APBB2: variants seen among roughly 807,000 people sequenced by gnomAD.
APBB2 encodes Fe65-like 1.
APBB2 carries 38 observed loss-of-function variants against 82.5 expected under a neutral mutation model. That is an observed-to-expected ratio of 0.46 (90% confidence interval 0.36 to 0.60). The LOEUF (loss-of-function observed/expected upper bound fraction) is 0.60, where lower values mean the gene tolerates loss of function less well. Ranked by LOEUF, APBB2 falls within the 20% of genes least tolerant of loss-of-function variation. The probability of loss-of-function intolerance (pLI) is 0.00; values close to 1 mark genes in which losing one functional copy is unlikely to be tolerated. For synonymous variants in APBB2, 341 were observed against 368.2 expected (o/e 0.93, Z 0.85); for missense variants, 772 against 972.3 (o/e 0.79, Z 2.74).
chr4:41,093,054 C>T (rs546852270), intron 3 of APBB2, among the ~76,000 whole-genome samples: 6 of 152,138 alleles, frequency 3.9e-5, no homozygotes, highest in Non-Finnish European at 8.8e-5. Context: ...TCAGCAGAAA[C>T]GAGCTATAAA....
chr4:40,843,393 C>T (rs1268256884), intron 12 of APBB2, among the ~76,000 whole-genome samples: 1 of 152,116 alleles, frequency 6.6e-6, no homozygotes, highest in Non-Finnish European at 1.5e-5. Flanking sequence ...TGAGGCGGAA[C>T]AATGACCATG....
intron 10 of APBB2, among the ~76,000 whole-genome samples, chr4:40,906,693 T>C (rs1284989699): frequency 1.3e-5 from 2 of 152,050 alleles, no homozygotes; most frequent in Non-Finnish European, 2.9e-5. Flanking sequence ...CTGCATCTTT[T>C]TTAAGTGTCC....
intron 6 of APBB2, among the ~76,000 whole-genome samples, chr4:40,955,334 A>T (rs1388078942): frequency 6.6e-6 from 1 of 152,258 alleles, no homozygotes; most frequent in African/African-American, 2.4e-5. Context: ...TGTCATTACA[A>T]CAGAAAGGTC....
rs928502095 is a variant in APBB2, at chr4:41,033,322, T to G, written c.-50-18A>C. 4 of 1,476,824 alleles carry G rather than the reference T, an allele frequency of 2.7e-6. No individual in the cohort carries two copies. Among genetic ancestry groups the G allele is most frequent in the South Asian group, 1.3e-5 (1 of 78,804 alleles). The allele number at this position is 1,476,824 out of a possible 1,614,324, so 91.5% of individuals were successfully genotyped here. ...TTTGAAATCTAAAAAGAAGGGATCA[T>G]TTGAGAAATTAAAACTCCAAATAAC... On this transcript the variant is annotated intron_variant, in intron 4 of 17. Coordinates refer to ENST00000508593, the MANE Select transcript of APBB2 (RefSeq NM_004307.2).
chr4:40,905,005 A>G (rs989277297), intron 10 of APBB2, among the ~76,000 whole-genome samples: 2 of 152,106 alleles, frequency 1.3e-5, no homozygotes, highest in African/African-American at 4.8e-5. Flanking sequence ...CACTACTGCC[A>G]TTAACTTAAC....
chr4:41,047,805 G>A (rs2154456017), intron 4 of APBB2, among the ~76,000 whole-genome samples: 1 of 152,280 alleles, frequency 6.6e-6, no homozygotes, highest in African/African-American at 2.4e-5. Flanking sequence ...ATCTATCTCT[G>A]ATCTGATGGT....
chr4:40,946,829 G>C (rs1395111086), intron 6 of APBB2, among the ~76,000 whole-genome samples: 4 of 152,226 alleles, frequency 2.6e-5, no homozygotes, highest in African/African-American at 9.6e-5. Flanking sequence ...CTGGCTCTGT[G>C]CAAGTGTCGC....
intron 4 of APBB2, among the ~76,000 whole-genome samples, chr4:41,064,606 T>C (rs533499086): frequency 3.4e-4 from 52 of 152,182 alleles, no homozygotes; most frequent in African/African-American, 1.2e-3. Flanking sequence ...GAAATAAACA[T>C]AGATCATTAA....
intron 6 of APBB2, among the ~76,000 whole-genome samples, chr4:40,950,661 C>G (rs774992049): frequency 6.6e-6 from 1 of 152,052 alleles, no homozygotes; most frequent in Non-Finnish European, 1.5e-5. Context: ...GCCTGGCCAA[C>G]ATGGTGAAAC....
At chr4:41,158,995 A>G (rs886572212) in intron 1 of APBB2, among the ~76,000 whole-genome samples, 6 of 152,152 alleles carry the variant, frequency 3.9e-5, no homozygotes, top group Non-Finnish European at 7.4e-5. Flanking sequence ...AATCAAGGAC[A>G]TGAAACTGAC....
chr4:40,952,165 G>A (rs1239198619), intron 6 of APBB2, among the ~76,000 whole-genome samples: 2 of 139,326 alleles, frequency 1.4e-5, no homozygotes, highest in Non-Finnish European at 3.0e-5. Context: ...CAGCCTGGGT[G>A]ACAGAGCGAG....
intron 6 of APBB2, among the ~76,000 whole-genome samples, chr4:41,013,112 C>T (rs555219025): frequency 6.6e-6 from 1 of 152,246 alleles, no homozygotes; most frequent in East Asian, 1.9e-4. Flanking sequence ...GAACAGATGG[C>T]TAATGTTTTA....
At chr4:41,079,244 C>T (rs1034490455) in intron 3 of APBB2, among the ~76,000 whole-genome samples, 11 of 152,186 alleles carry the variant, frequency 7.2e-5, no homozygotes, top group Admixed American at 7.2e-4. Flanking sequence ...GTTCTTTCCC[C>T]CAACTTGGGT....
At position 41,013,580 on chromosome 4, in the gene APBB2, T is replaced by C; in HGVS notation, c.835+3A>G. The C allele has an allele frequency of 6.2e-7, 1 of 1,610,468 alleles. No homozygotes were observed. The highest frequency in any genetic ancestry group is 8.5e-7 in the Non-Finnish European group (1 of 1,178,162). ...GCTGAGGCTACGCCTTCCCCAGGGG[T>C]ACCTGTTTCATCCGGGGAGCTGGGT... On this transcript the variant is annotated splice_donor_region_variant and intron_variant, in intron 6 of 17. Coordinates refer to ENST00000508593, the MANE Select transcript of APBB2 (RefSeq NM_004307.2).
At chr4:41,039,247 TATC>T (rs1720431735) in intron 4 of APBB2, among the ~76,000 whole-genome samples, 1 of 152,210 alleles carries the variant, frequency 6.6e-6, no homozygotes, top group Non-Finnish European at 1.5e-5. Flanking sequence ...GCAAGACATT[TATC>T]ATCCCTGGTC....
chr4:40,865,251 G>A (rs920275681), intron 12 of APBB2, among the ~76,000 whole-genome samples: 1 of 152,150 alleles, frequency 6.6e-6, no homozygotes, highest in African/African-American at 2.4e-5. Context: ...GGTACTGCAT[G>A]CACAGGGACA....
At chr4:40,995,296 T>C (rs1803329051) in intron 6 of APBB2, among the ~76,000 whole-genome samples, 1 of 152,182 alleles carries the variant, frequency 6.6e-6, no homozygotes, top group Non-Finnish European at 1.5e-5. Context: ...AACAAATTAA[T>C]AGATTCTTAT....
chr4:40,849,270 T>A (rs748057105), intron 12 of APBB2, among the ~76,000 whole-genome samples: 11 of 152,222 alleles, frequency 7.2e-5, no homozygotes, highest in Non-Finnish European at 1.5e-4. Flanking sequence ...GGAGGCAAGT[T>A]CTGAGAAGAT....
chr4:40,946,254 A>AAAAAAAAAAAAAAAC (rs1553875174), intron 6 of APBB2, among the ~76,000 whole-genome samples: 1,577 of 114,434 alleles, frequency 0.014, 159 homozygotes, highest in South Asian at 0.018. Flanking sequence ...AAAAAAAAAA[A>AAAAAAAAAAAAAAAC]CATTCCCAAG....
Sources: gnomAD v4.1 joint callset for allele counts (sites outside exome capture counted in the v4.1 genomes callset) on GRCh38, gnomAD v4.1.1 for gene constraint, MANE v1.5 for transcripts, NCBI Gene and HGNC (gene_info 2026-07-23, HGNC 2026-07-21) for gene names.